ASIC2: variants seen among roughly 807,000 people sequenced by gnomAD.
The protein encoded by ASIC2 is acid sensing ion channel subunit 2.
In ASIC2, 25 loss-of-function variants were observed where a neutral mutation model predicts 57.3. The observed-to-expected ratio is 0.44, with a 90% CI of 0.32 to 0.61. ASIC2 has a LOEUF of 0.61. ASIC2 is among the 20% of genes least tolerant of loss of function. ASIC2 has a pLI of 0.06. For missense variants in ASIC2, 641 were observed against 738.1 expected (o/e 0.87, Z 1.52); for synonymous variants, 319 against 307.5 (o/e 1.04, Z -0.39).
intron 1 of ASIC2, among the ~76,000 whole-genome samples, chr17:33,771,291 C>A (rs1444396808): frequency 1.3e-5 from 2 of 152,158 alleles, no homozygotes; most frequent in East Asian, 3.9e-4. Context: ...TAATTCATCC[C>A]AGGTTGCACA....
chr17:33,851,067 C>T (rs1335752527), intron 1 of ASIC2, among the ~76,000 whole-genome samples: 1 of 152,144 alleles, frequency 6.6e-6, no homozygotes, highest in African/African-American at 2.4e-5. Context: ...TAATTTTCCT[C>T]ATTTCTAAAA....
At chr17:33,317,494 TC>T (rs1443740012) in intron 1 of ASIC2, among the ~76,000 whole-genome samples, 1 of 152,228 alleles carries the variant, frequency 6.6e-6, no homozygotes, top group African/African-American at 2.4e-5. Context: ...CAAAGCTCTG[TC>T]CAAGACCTTC....
At chr17:33,228,161 G>A (rs1441470944) in intron 1 of ASIC2, among the ~76,000 whole-genome samples, 6 of 152,084 alleles carry the variant, frequency 3.9e-5, no homozygotes, top group African/African-American at 1.4e-4. Flanking sequence ...TTATTGTTTG[G>A]GTGTAATTTC....
intron 1 of ASIC2, among the ~76,000 whole-genome samples, chr17:33,754,097 T>A (rs912087386): frequency 6.6e-6 from 1 of 152,088 alleles, no homozygotes; most frequent in Non-Finnish European, 1.5e-5. Flanking sequence ...CTGATTCCCT[T>A]CCTCCACCCC....
intron 1 of ASIC2, among the ~76,000 whole-genome samples, chr17:33,567,096 G>C (rs1916257864): frequency 6.6e-6 from 1 of 152,098 alleles, no homozygotes; most frequent in Non-Finnish European, 1.5e-5. Context: ...CCTACCATAT[G>C]TGCTGTTATG....
chr17:34,034,687 C>T (rs945673358), intron 1 of ASIC2, among the ~76,000 whole-genome samples: 15 of 152,066 alleles, frequency 9.9e-5, no homozygotes, highest in African/African-American at 2.9e-4. Context: ...AATCAATGTA[C>T]AAAAGTCACA....
chr17:33,407,767 A>C (rs773324573), intron 1 of ASIC2, among the ~76,000 whole-genome samples: 1 of 152,238 alleles, frequency 6.6e-6, no homozygotes, highest in Non-Finnish European at 1.5e-5. Flanking sequence ...TAGGACCTGC[A>C]AGACAAGCAA....
chr17:33,392,123 G>C (rs1414009203), intron 1 of ASIC2, among the ~76,000 whole-genome samples: 5 of 152,078 alleles, frequency 3.3e-5, no homozygotes. Flanking sequence ...CTATGTCTTT[G>C]CATGTGTTCT....
chr17:33,292,206 C>T lies in ASIC2; in HGVS notation c.-91G>A. The T allele has an allele frequency of 2.0e-6, 2 of 1,003,966 alleles. No homozygotes were observed. The highest frequency in any genetic ancestry group is 2.4e-6 in the Non-Finnish European group (2 of 844,166). 62.2% of individuals were successfully genotyped at this position (1,003,966 alleles called of 1,614,324 possible). A position where few individuals can be genotyped will look rare whatever the true frequency, so the allele number is the denominator to read the frequency against. ...GCAGCAGCAGTGGAAGCAGCAGCAG[C>T]GGCAGCCGCGCGCAGCCCGCGCCAG... On this transcript the variant is annotated 5_prime_UTR_variant, in exon 1 of 10. Coordinates refer to ENST00000225823, the MANE Select transcript of ASIC2 (RefSeq NM_183377.2).
At chr17:33,778,546 C>T (rs1423717929) in intron 1 of ASIC2, among the ~76,000 whole-genome samples, 2 of 152,230 alleles carry the variant, frequency 1.3e-5, no homozygotes, top group East Asian at 3.9e-4. Context: ...TGGGGATAAA[C>T]ACTTGTCACC....
chr17:33,718,151 G>A (rs1477239773), intron 1 of ASIC2, among the ~76,000 whole-genome samples: 2 of 151,886 alleles, frequency 1.3e-5, no homozygotes, highest in East Asian at 3.9e-4. Flanking sequence ...CTACACACAT[G>A]CTCCTGTATG....
chr17:33,794,107 T>A (rs1201641932), intron 1 of ASIC2: 4 of 152,226 alleles, frequency 2.6e-5, no homozygotes, highest in African/African-American at 9.6e-5. Context: ...AAGCTCTAGC[T>A]CACCCATTCC....
chr17:33,023,722 G>T, intron 6 of ASIC2, 139 bp downstream of exon 6: 1 of 1,150,066 alleles, frequency 8.7e-7, no homozygotes, highest in Non-Finnish European at 1.2e-6. Context: ...GGAGCGCAGA[G>T]CGTGACACAC....
At chr17:33,536,188 C>T (rs569480100) in intron 1 of ASIC2, among the ~76,000 whole-genome samples, 11 of 151,240 alleles carry the variant, frequency 7.3e-5, no homozygotes, top group African/African-American at 2.4e-4. Context: ...AAATTGACCA[C>T]TCCCTTCAGT....
intron 1 of ASIC2, among the ~76,000 whole-genome samples, chr17:33,491,759 G>T (rs1210477001): frequency 6.6e-6 from 1 of 152,186 alleles, no homozygotes; most frequent in East Asian, 1.9e-4. Flanking sequence ...AGGCTAGAGG[G>T]TCTCTGTCTG....
intron 1 of ASIC2, among the ~76,000 whole-genome samples, chr17:33,537,470 C>T (rs1915269682): frequency 6.6e-6 from 1 of 152,196 alleles, no homozygotes; most frequent in Non-Finnish European, 1.5e-5. Context: ...AAATCTGCTG[C>T]TTCTACTGAA....
chr17:33,212,781 C>G (rs1257490054), intron 1 of ASIC2, among the ~76,000 whole-genome samples: 1 of 152,168 alleles, frequency 6.6e-6, no homozygotes, highest in East Asian at 1.9e-4. Flanking sequence ...CTCCTAGCCA[C>G]ATTGACTTCA....
intron 3 of ASIC2, among the ~76,000 whole-genome samples, chr17:33,060,739 A>C (rs1408288225): frequency 6.6e-6 from 1 of 152,160 alleles, no homozygotes; most frequent in East Asian, 1.9e-4. Context: ...TGAATCTATA[A>C]ATTACCTTGG....
At chr17:33,577,393 G>A (rs1043272512) in intron 1 of ASIC2, among the ~76,000 whole-genome samples, 2 of 152,166 alleles carry the variant, frequency 1.3e-5, no homozygotes, top group Admixed American at 6.5e-5. Context: ...CCAGGGGAGA[G>A]GTGTAAAGGA....
Sources: allele counts gnomAD v4.1 joint callset (sites outside exome capture counted in the v4.1 genomes callset), GRCh38; gene constraint gnomAD v4.1.1; transcripts MANE v1.5; gene names NCBI Gene and HGNC (gene_info 2026-07-23, HGNC 2026-07-21).